Variants in JAZF1 observed in about 807,000 individuals in gnomAD.
JAZF1 encodes the protein JAZF zinc finger 1.
JAZF1 carries 8 observed loss-of-function variants against 26.4 expected under a neutral mutation model. The observed-to-expected ratio is 0.30, with a 90% confidence interval of 0.18 to 0.55. JAZF1 has a LOEUF of 0.55. Ranked by LOEUF, JAZF1 falls within the 20% of genes least tolerant of loss-of-function variation. JAZF1 has a pLI of 0.94. For synonymous variants in JAZF1, 126 were observed against 122.3 expected, an observed-to-expected ratio of 1.03 and a Z score of -0.20; for missense variants, 199 against 322.0, an observed-to-expected ratio of 0.62 and a Z score of 2.92.
chr7:27,877,968 A>G (rs1408351754), intron 3 of JAZF1, among the ~76,000 whole-genome samples: 1 of 152,174 alleles, frequency 6.6e-6, no homozygotes, highest in Non-Finnish European at 1.5e-5. Context: ...AAAAGAAGCC[A>G]TATTTTAAAA....
At chr7:27,980,309 C>T (rs373709954) in intron 2 of JAZF1, among the ~76,000 whole-genome samples, 1 of 152,066 alleles carries the variant, frequency 6.6e-6, no homozygotes. Flanking sequence ...GCAGATTGGA[C>T]GCAAAATCCA....
chr7:27,948,538 T>C (rs1784955595), intron 2 of JAZF1, among the ~76,000 whole-genome samples: 1 of 152,230 alleles, frequency 6.6e-6, no homozygotes, highest in Non-Finnish European at 1.5e-5. Flanking sequence ...GTAATTACCC[T>C]GACAGCAATG....
At chr7:27,947,729 A>C (rs1784941153) in intron 2 of JAZF1, among the ~76,000 whole-genome samples, 1 of 152,180 alleles carries the variant, frequency 6.6e-6, no homozygotes, top group Non-Finnish European at 1.5e-5. Flanking sequence ...ATAAATTGCC[A>C]TCACCATCCC....
At chr7:28,030,116 G>A (rs928174301) in intron 1 of JAZF1, among the ~76,000 whole-genome samples, 5 of 152,220 alleles carry the variant, frequency 3.3e-5, no homozygotes, top group African/African-American at 1.2e-4. Flanking sequence ...GAGCAAACCA[G>A]AAGCAGCAAG....
intron 1 of JAZF1, among the ~76,000 whole-genome samples, chr7:28,079,366 T>A (rs1373774714): frequency 6.6e-6 from 1 of 152,152 alleles, no homozygotes; most frequent in African/African-American, 2.4e-5. Context: ...CCACCTTCAC[T>A]TGGAGCTGCC....
chr7:27,848,646 G>GCTCT (rs1475656262), intron 3 of JAZF1, among the ~76,000 whole-genome samples: 1 of 152,330 alleles, frequency 6.6e-6, no homozygotes, highest in East Asian at 1.9e-4. Context: ...TTCTGCTGAT[G>GCTCT]CTCTGATTGA....
intron 2 of JAZF1, among the ~76,000 whole-genome samples, chr7:27,950,557 G>A (rs1784992524): frequency 6.6e-6 from 1 of 152,130 alleles, no homozygotes; most frequent in Admixed American, 6.6e-5. Context: ...CAAAAACCAG[G>A]ATTTTTATGA....
intron 2 of JAZF1, among the ~76,000 whole-genome samples, chr7:27,935,404 T>C (rs773736764): frequency 5.3e-5 from 8 of 152,230 alleles, no homozygotes; most frequent in Non-Finnish European, 1.2e-4. Context: ...TGTGATAACA[T>C]GGATGAACCC....
At position 28,069,865 on chromosome 7, in the gene JAZF1, C is replaced by G. The variant is rs140208578; in HGVS notation, c.116-77884G>C. 3.2e-3 allele frequency among the ~76,000 whole-genome samples: 482 copies of G among 152,248 alleles called. 5 individuals carry two copies. Among genetic ancestry groups the G allele is most frequent in the Admixed American group, 4.3e-3 (66 of 15,304 alleles). On this transcript the variant is annotated intron_variant, in intron 1 of 4. Transcript: ENST00000283928. ...CAAGTTTGAACAAACTCATACTTGT[C>G]CCCTAAGAAGTCCCTGTCATCCCGG... is the stretch of plus-strand genomic sequence containing the variant.
chr7:27,855,417 A>C (rs1355482579), intron 3 of JAZF1, among the ~76,000 whole-genome samples: 2 of 152,166 alleles, frequency 1.3e-5, no homozygotes, highest in Non-Finnish European at 2.9e-5. Flanking sequence ...CTTCAAAAAA[A>C]TCAATGAATC....
At chr7:27,987,301 G>T (rs1184509751) in intron 2 of JAZF1, among the ~76,000 whole-genome samples, 1 of 149,976 alleles carries the variant, frequency 6.7e-6, no homozygotes, top group East Asian at 2.0e-4. Context: ...CCTCTGCCCG[G>T]CTGCGACCCC....
At chr7:28,015,523 A>C (rs1782876184) in intron 1 of JAZF1, among the ~76,000 whole-genome samples, 1 of 152,208 alleles carries the variant, frequency 6.6e-6, no homozygotes, top group Non-Finnish European at 1.5e-5. Flanking sequence ...CAATTAGGGA[A>C]CAGATGCTCT....
chr7:28,089,098 T>C (rs1017621453), intron 1 of JAZF1, among the ~76,000 whole-genome samples: 1 of 152,156 alleles, frequency 6.6e-6, no homozygotes, highest in African/African-American at 2.4e-5. Flanking sequence ...AGGAAAATAA[T>C]AAAACAGAAA....
chr7:28,071,505 A>G (rs900870117), intron 1 of JAZF1: 4 of 426,692 alleles, frequency 9.4e-6, no homozygotes, highest in African/African-American at 8.4e-5. Context: ...AACCATTTGG[A>G]AAGATTTTGG....
intron 2 of JAZF1, among the ~76,000 whole-genome samples, chr7:27,947,726 G>A (rs1469036338): frequency 6.6e-6 from 1 of 151,980 alleles, no homozygotes; most frequent in Non-Finnish European, 1.5e-5. Flanking sequence ...ATAATAAATT[G>A]CCATCACCAT....
At chr7:28,130,074 T>C (rs78865317) in intron 1 of JAZF1, among the ~76,000 whole-genome samples, 2,887 of 152,268 alleles carry the variant, frequency 0.019, 84 homozygotes, top group African/African-American at 0.065. Context: ...TGTACAAGTA[T>C]GCTAAAAATT....
chr7:28,093,059 T>C (rs1383236645), intron 1 of JAZF1, among the ~76,000 whole-genome samples: 3 of 152,186 alleles, frequency 2.0e-5, no homozygotes, highest in African/African-American at 7.2e-5. Flanking sequence ...TTTAAAAGCA[T>C]TTTAAAATTT....
chr7:27,860,910 G>C (rs1271480310), intron 3 of JAZF1, among the ~76,000 whole-genome samples: 1 of 151,982 alleles, frequency 6.6e-6, no homozygotes, highest in African/African-American at 2.4e-5. Flanking sequence ...TTGGGCACCT[G>C]GTGCCCTCTG....
chr7:28,031,816 A>C (rs1379125570), intron 1 of JAZF1, among the ~76,000 whole-genome samples: 1 of 152,168 alleles, frequency 6.6e-6, no homozygotes, highest in East Asian at 1.9e-4. Context: ...TAGGTGCAGC[A>C]AACCACCATG....
Sources: gnomAD v4.1 joint callset for allele counts (sites outside exome capture counted in the v4.1 genomes callset) on GRCh38, gnomAD v4.1.1 for gene constraint, MANE v1.5 for transcripts, NCBI Gene and HGNC (gene_info 2026-07-23, HGNC 2026-07-21) for gene names.